Variants in CSMD1 observed in about 807,000 individuals in gnomAD.
CSMD1 encodes the protein CUB and Sushi multiple domains 1, also known as CUB and sushi domain-containing protein 1.
A neutral mutation model predicts 417.5 loss-of-function variants in CSMD1; 213 were observed. The observed-to-expected ratio is 0.51, with a 90% CI of 0.46 to 0.57. CSMD1 has a LOEUF of 0.57. Among genes scored for constraint, CSMD1 ranks in the 20% least tolerant of loss-of-function variants. The pLI, the probability that CSMD1 is intolerant of heterozygous loss-of-function variation, is 0.00. For synonymous variants in CSMD1, 2,862 were observed against 1,736.8 expected, an observed-to-expected ratio of 1.65 and a Z score of -16.11; for missense variants, 6,923 against 4,529.7, an observed-to-expected ratio of 1.53 and a Z score of -15.17.
At chr8:4,535,129 C>A (rs971932377) in intron 2 of CSMD1, among the ~76,000 whole-genome samples, 1 of 152,126 alleles carries the variant, frequency 6.6e-6, no homozygotes, top group African/African-American at 2.4e-5. Context: ...AAAACATAAT[C>A]TCCCATATAT....
intron 9 of CSMD1, among the ~76,000 whole-genome samples, chr8:3,582,252 T>C (rs1008925835): frequency 2.0e-5 from 3 of 152,206 alleles, no homozygotes; most frequent in Admixed American, 6.5e-5. Flanking sequence ...ACTGTAGATA[T>C]ATAACGTTAT....
intron 1 of CSMD1, among the ~76,000 whole-genome samples, chr8:4,973,137 C>T (rs1018418347): frequency 3.3e-5 from 5 of 151,954 alleles, no homozygotes; most frequent in African/African-American, 9.7e-5. Context: ...TAAAACACAC[C>T]AAGAAATATG....
At chr8:3,288,994 A>C (rs1218288727) in intron 25 of CSMD1, among the ~76,000 whole-genome samples, 1 of 141,074 alleles carries the variant, frequency 7.1e-6, no homozygotes, top group African/African-American at 3.1e-5. Context: ...ACCCCACAAC[A>C]GTCCCCGGTG....
intron 2 of CSMD1, among the ~76,000 whole-genome samples, chr8:4,437,605 A>G (rs1056786464): frequency 3.3e-5 from 5 of 152,196 alleles, no homozygotes; most frequent in Admixed American, 2.6e-4. Context: ...TTCATACTCT[A>G]TCAGCCTCTG....
At chr8:4,768,804 A>T (rs1180106223) in intron 1 of CSMD1, among the ~76,000 whole-genome samples, 1 of 152,214 alleles carries the variant, frequency 6.6e-6, no homozygotes, top group Non-Finnish European at 1.5e-5. Flanking sequence ...AGGAATTAAT[A>T]AAACAAATGG....
intron 5 of CSMD1, among the ~76,000 whole-genome samples, chr8:3,865,074 G>A (rs748482725): frequency 6.6e-6 from 1 of 152,144 alleles, no homozygotes; most frequent in South Asian, 2.1e-4. Flanking sequence ...TATGCCAACA[G>A]TGTTACTTTG....
At chr8:4,098,348 G>C (rs1340826901) in intron 3 of CSMD1, among the ~76,000 whole-genome samples, 2 of 152,116 alleles carry the variant, frequency 1.3e-5, no homozygotes, top group Admixed American at 6.5e-5. Flanking sequence ...TATCATAATA[G>C]TGTTGATCTT....
intron 3 of CSMD1, among the ~76,000 whole-genome samples, chr8:4,386,172 A>G (rs1035842345): frequency 6.6e-6 from 1 of 152,104 alleles, no homozygotes; most frequent in Non-Finnish European, 1.5e-5. Flanking sequence ...CTCAAACAAT[A>G]CACACTATCA....
At chr8:3,779,455 T>G (rs916038472) in intron 5 of CSMD1, among the ~76,000 whole-genome samples, 3 of 152,140 alleles carry the variant, frequency 2.0e-5, no homozygotes, top group African/African-American at 7.2e-5. Context: ...CATTTTAAAA[T>G]TTTAGACATC....
intron 1 of CSMD1, among the ~76,000 whole-genome samples, chr8:4,719,916 G>T (rs966966326): frequency 6.6e-6 from 1 of 151,948 alleles, no homozygotes; most frequent in East Asian, 1.9e-4. Context: ...ACTTTTTATT[G>T]ATTTTAACAG....
At chr8:3,896,364 C>G (rs1029076311) in intron 5 of CSMD1, among the ~76,000 whole-genome samples, 3 of 152,086 alleles carry the variant, frequency 2.0e-5, no homozygotes, top group East Asian at 1.9e-4. Context: ...AACATTAAGA[C>G]TAATAGTCCA....
chr8:3,363,346 T>G (rs2117734935), intron 20 of CSMD1, among the ~76,000 whole-genome samples: 1 of 152,158 alleles, frequency 6.6e-6, no homozygotes, highest in Non-Finnish European at 1.5e-5. Flanking sequence ...GAAAAGTCAT[T>G]ATGGGAAAGG....
intron 23 of CSMD1, among the ~76,000 whole-genome samples, chr8:3,341,077 G>A (rs188060466): frequency 1.3e-4 from 20 of 152,332 alleles, no homozygotes; most frequent in African/African-American, 4.3e-4. Context: ...TGAAGTGGAA[G>A]TGACCTCAAA....
intron 2 of CSMD1, among the ~76,000 whole-genome samples, chr8:4,570,873 G>T (rs572730398): frequency 6.6e-6 from 1 of 152,138 alleles, no homozygotes; most frequent in Non-Finnish European, 1.5e-5. Flanking sequence ...AGTCTTGGGA[G>T]AGTATGTGTA....
At chr8:4,303,420 C>CTTTTTTTTTTTTTTT (rs1563419612) in intron 3 of CSMD1, among the ~76,000 whole-genome samples, 7 of 92,318 alleles carry the variant, frequency 7.6e-5, no homozygotes, top group South Asian at 3.7e-4. Context: ...GGGCAGGAAG[C>CTTTTTTTTTTTTTTT]TGTTTTTTTT....
chr8:3,542,578 G>A (rs6986482), intron 10 of CSMD1, among the ~76,000 whole-genome samples: 1,784 of 152,266 alleles, frequency 0.012, 41 homozygotes, highest in African/African-American at 0.04. Context: ...AGGAAAGAGC[G>A]TACGTGCTGT....
rs530693442 is a variant in CSMD1, at chr8:3,276,919, T to G, written c.4153+7225A>C. On this transcript the variant is annotated intron_variant, in intron 26 of 69. Transcript: ENST00000635120. ...CAAGTAACTTAATCCACTGTATTAA[T>G]AAAATGGTAACCCACAATGGGCTAA... Among the ~76,000 whole-genome samples, 3 of 152,266 alleles carry G rather than the reference T, an allele frequency of 2.0e-5. No homozygotes were observed. In the South Asian group the frequency reaches 6.2e-4, roughly 32 times the overall value.
intron 5 of CSMD1, among the ~76,000 whole-genome samples, chr8:3,987,387 G>A (rs991085761): frequency 6.6e-6 from 1 of 152,182 alleles, no homozygotes; most frequent in African/African-American, 2.4e-5. Flanking sequence ...CATATGCCAT[G>A]ATAACGACTA....
chr8:4,933,820 T>C (rs964732799), intron 1 of CSMD1, among the ~76,000 whole-genome samples: 5 of 152,186 alleles, frequency 3.3e-5, no homozygotes, highest in Admixed American at 2.6e-4. Flanking sequence ...GCCCGATACA[T>C]TTATTTTGAT....
Sources: allele counts gnomAD v4.1 joint callset (sites outside exome capture counted in the v4.1 genomes callset), GRCh38; gene constraint gnomAD v4.1.1; transcripts MANE v1.5; gene names NCBI Gene and HGNC (gene_info 2026-07-23, HGNC 2026-07-21).